ANKRD30A: variants seen among roughly 807,000 people sequenced by gnomAD.
ANKRD30A encodes the protein ankyrin repeat domain-containing protein 30A.
In ANKRD30A, 170 loss-of-function variants were observed where a neutral mutation model predicts 166.3. The observed-to-expected ratio is 1.02, with a 90% confidence interval of 0.90 to 1.16. The LOEUF (loss-of-function observed/expected upper bound fraction) is 1.16. ANKRD30A is among the 50% of genes most tolerant of loss of function. The pLI, the probability that ANKRD30A is intolerant of heterozygous loss-of-function variation, is 0.00. For synonymous variants in ANKRD30A, 564 were observed against 508.9 expected (o/e 1.11, Z -1.46); for missense variants, 1,630 against 1,518.0 (o/e 1.07, Z -1.23).
intron 31 of ANKRD30A, among the ~76,000 whole-genome samples, chr10:37,205,381 T>C (rs531558957): frequency 1.2e-3 from 167 of 140,388 alleles, no homozygotes; most frequent in Non-Finnish European, 1.7e-3. Flanking sequence ...TTCTCACCCA[T>C]AGGTGGGAAT....
intron 29 of ANKRD30A, among the ~76,000 whole-genome samples, chr10:37,197,740 C>T (rs185537997): frequency 6.6e-6 from 1 of 152,134 alleles, no homozygotes; most frequent in African/African-American, 2.4e-5. Flanking sequence ...TTTTGAACTT[C>T]TGTATTTCTT....
chr10:37,126,590 G>A (rs1836031170), intron 1 of ANKRD30A, among the ~76,000 whole-genome samples: 1 of 152,084 alleles, frequency 6.6e-6, no homozygotes, highest in Non-Finnish European at 1.5e-5. Flanking sequence ...TTTTTCTCAG[G>A]ATGCGAGTTC....
At position 37,141,937 on chromosome 10, in the gene ANKRD30A, C is replaced by T. The variant is rs1430282672; in HGVS notation, c.1040C>T (p.Ser347Phe). ...DKIQCLEKAT[S>F]GKFEQSAEET... ...ATTCAATGTTTGGAGAAAGCGACATCTGGAAAGTTCGAACAGTCAGCAGAA... is the reference window on the plus strand; with the variant it reads ...ATTCAATGTTTGGAGAAAGCGACATTTGGAAAGTTCGAACAGTCAGCAGAA... Residue 347 changes from serine to phenylalanine, a missense_variant, in exon 7 of 36, where the codon TCT becomes TTT. Ser to Phe is a radical substitution (Grantham distance 155). This residue lies in a region of ANKRD30A where 904 missense variants were observed against 818.5 expected (regional missense o/e 1.10). Coordinates refer to ENST00000361713, the MANE Select transcript of ANKRD30A (RefSeq NM_052997.3). 1.9e-6 allele frequency: 3 copies of T among 1,614,212 alleles called. No homozygotes were observed. Among genetic ancestry groups the T allele is most frequent in the Middle Eastern group, 1.6e-4 (1 of 6,062 alleles).
At chr10:37,179,492 T>G (rs2132637844) in intron 24 of ANKRD30A, among the ~76,000 whole-genome samples, 1 of 150,892 alleles carries the variant, frequency 6.6e-6, no homozygotes, top group African/African-American at 2.4e-5. Context: ...ATTCCTACAT[T>G]ATGGGAATGA....
chr10:37,243,348 G>C, the ANKRD30A span, among the ~76,000 whole-genome samples: 1 of 146,890 alleles, frequency 6.8e-6, no homozygotes, highest in African/African-American at 2.5e-5. Flanking sequence ...TTTTCACCGT[G>C]TTAGCCAGGA....
chr10:37,179,038 A>G (rs1377820186), intron 24 of ANKRD30A, among the ~76,000 whole-genome samples: 40 of 69,370 alleles, frequency 5.8e-4, no homozygotes, highest in African/African-American at 1.3e-3. Flanking sequence ...ATATATATAT[A>G]TATATATATA....
At chr10:37,247,807 G>A in the ANKRD30A span, among the ~76,000 whole-genome samples, 28 of 151,368 alleles carry the variant, frequency 1.8e-4, no homozygotes, top group African/African-American at 5.6e-4. Flanking sequence ...GCATGAACCC[G>A]GGAGGCGGAG....
At chr10:37,254,327 A>G in the ANKRD30A span, among the ~76,000 whole-genome samples, 1 of 152,094 alleles carries the variant, frequency 6.6e-6, no homozygotes, top group Non-Finnish European at 1.5e-5. Context: ...TTACTTTCCC[A>G]CTGGAAATGT....
At chr10:37,165,724 A>G (rs1231800740) in intron 18 of ANKRD30A, among the ~76,000 whole-genome samples, 1 of 152,176 alleles carries the variant, frequency 6.6e-6, no homozygotes, top group Non-Finnish European at 1.5e-5. Context: ...TAGTCTTTTG[A>G]AAAATATAAA....
At chr10:37,196,281 G>T (rs1296051348) in intron 27 of ANKRD30A, among the ~76,000 whole-genome samples, 2 of 151,934 alleles carry the variant, frequency 1.3e-5, no homozygotes, top group Non-Finnish European at 2.9e-5. Flanking sequence ...CCGGAAGCAG[G>T]AGTCCTACTA....
chr10:37,154,805 A>G (rs17590512), intron 13 of ANKRD30A, among the ~76,000 whole-genome samples: 1 of 152,194 alleles, frequency 6.6e-6, no homozygotes, highest in Non-Finnish European at 1.5e-5. Context: ...TTACTGCAGA[A>G]TGCTAGAGTG....
At chr10:37,201,866 A>G (rs765403969) in intron 31 of ANKRD30A, among the ~76,000 whole-genome samples, 2 of 152,116 alleles carry the variant, frequency 1.3e-5, no homozygotes, top group Non-Finnish European at 2.9e-5. Context: ...TCTATTTGCC[A>G]TAGGTGAGAA....
At chr10:37,242,963 G>A in the ANKRD30A span, among the ~76,000 whole-genome samples, 2 of 152,094 alleles carry the variant, frequency 1.3e-5, no homozygotes, top group South Asian at 2.1e-4. Context: ...AGCTGGCATC[G>A]TGTTCTTTGT....
At position 37,141,748 on chromosome 10, in the gene ANKRD30A, C is replaced by T. The variant is rs753599310; in HGVS notation, c.851C>T (p.Ala284Val). ...ACATCTGCAGGAACACCTGATGAGG[C>T]TGCACCCTTGGCGGAAAGAACACCT... ...EGTSAGTPDE[A>V]APLAERTPDT... The change falls in exon 7 of 36, where the codon GCT (alanine) becomes GTT (valine). Residue 284 changes from alanine to valine, a missense_variant. Ala to Val is a moderately conservative substitution (Grantham distance 64). Coordinates refer to ENST00000361713, the MANE Select transcript of ANKRD30A (RefSeq NM_052997.3). 99 of 1,611,822 alleles carry T rather than the reference C, an allele frequency of 6.1e-5. No homozygotes were observed. The highest frequency in any genetic ancestry group is 7.0e-5 in the Non-Finnish European group (82 of 1,179,796).
chr10:37,149,657 C>G lies in ANKRD30A; in HGVS notation c.1550C>G (p.Pro517Arg), dbSNP rs768520588. The G allele has an allele frequency of 6.2e-7, 1 of 1,612,316 alleles. No homozygotes were observed. Among genetic ancestry groups the G allele is most frequent in the South Asian group, 1.1e-5 (1 of 90,950 alleles). ...MEINREVEEP[P>R]KKPSAFKPAI... Reference sequence around the variant, plus strand: ...AATCTCTTTTGCTTTTTAGAGCCTCCTAAGAAGCCATCTGCCTTCAAGGTA... The same window carrying G: ...AATCTCTTTTGCTTTTTAGAGCCTCGTAAGAAGCCATCTGCCTTCAAGGTA... The change falls in exon 10 of 36, where the codon CCT (proline) becomes CGT (arginine). Residue 517 changes from proline (P) to arginine (R), a missense_variant. Physicochemically the swap from Pro to Arg is moderately radical, Grantham distance 103. Coordinates refer to ENST00000361713, the MANE Select transcript of ANKRD30A (RefSeq NM_052997.3).
In ANKRD30A at chr10:37,219,440, T is replaced by A; in HGVS notation, c.3728T>A (p.Ile1243Lys). The change falls in exon 34 of 36, where the codon ATA (isoleucine) becomes AAA (lysine). Residue 1243 changes from isoleucine to lysine, a missense_variant. Transcript: ENST00000361713. ...RKMNVDVSSTIYNNEVLHQPL... is the reference protein window; with the variant it reads ...RKMNVDVSSTKYNNEVLHQPL... ...ATGAATGTTGATGTGAGTAGTACGA[T>A]ATATAACAATGAGGTGCTCCATCAA... is the stretch of plus-strand genomic sequence containing the variant. 1.9e-6 allele frequency: 3 copies of A among 1,610,302 alleles called. No individual in the cohort carries two copies. The highest frequency in any genetic ancestry group is 2.5e-6 in the Non-Finnish European group (3 of 1,177,618).
chr10:37,218,899 C>T, intron 33 of ANKRD30A, 81 bp from the exon 34 acceptor site: 1 of 921,260 alleles, frequency 1.1e-6, no homozygotes. Flanking sequence ...TATAAATGTA[C>T]AAGTTATTCT....
chr10:37,197,994 G>T (rs1232210762), intron 29 of ANKRD30A, among the ~76,000 whole-genome samples: 1 of 152,000 alleles, frequency 6.6e-6, no homozygotes, highest in East Asian at 1.9e-4. Context: ...GTGTGCCTGT[G>T]TATGTGTGTG....
At chr10:37,155,997 C>T (rs1838348099) in intron 13 of ANKRD30A, among the ~76,000 whole-genome samples, 2 of 151,432 alleles carry the variant, frequency 1.3e-5, no homozygotes, top group African/African-American at 2.4e-5. Context: ...AGGAAAATGG[C>T]GTGAACTTGG....
Sources: gnomAD v4.1 joint callset for allele counts (sites outside exome capture counted in the v4.1 genomes callset) on GRCh38, gnomAD v4.1.1 for gene constraint, gnomAD v4.1.1 regional missense constraint, MANE v1.5 for transcripts, NCBI Gene and HGNC (gene_info 2026-07-23, HGNC 2026-07-21) for gene names.